The following PARD3B variants were observed in gnomAD, a reference collection of about 807,000 sequenced individuals.
PARD3B encodes par-3 family cell polarity regulator beta, also known as partitioning defective 3 homolog B.
A neutral mutation model predicts 130.2 loss-of-function variants in PARD3B; 103 were observed. That is an observed-to-expected ratio of 0.79 (90% CI 0.67 to 0.93). The LOEUF is 0.93. Ranked by LOEUF, PARD3B falls within the 40% of genes least tolerant of loss-of-function variation. The probability of loss-of-function intolerance (pLI) is 0.00; values close to 1 mark genes in which losing one functional copy is unlikely to be tolerated. For missense variants in PARD3B, 1,609 were observed against 1,499.2 expected (o/e 1.07, Z -1.21); for synonymous variants, 583 against 553.2 (o/e 1.05, Z -0.76).
chr2:204,691,420 G>A (rs1294597346), intron 2 of PARD3B, among the ~76,000 whole-genome samples: 1 of 152,066 alleles, frequency 6.6e-6, no homozygotes, highest in Non-Finnish European at 1.5e-5. Flanking sequence ...AGATGCCAGT[G>A]GTTTTCAGGG....
At chr2:204,608,484 C>G (rs2033809492) in intron 1 of PARD3B, among the ~76,000 whole-genome samples, 1 of 152,158 alleles carries the variant, frequency 6.6e-6, no homozygotes, top group Non-Finnish European at 1.5e-5. Context: ...AATCTCAAGC[C>G]AAAAGGAATT....
At chr2:205,065,515 C>A (rs934424581) in intron 4 of PARD3B, among the ~76,000 whole-genome samples, 1 of 151,902 alleles carries the variant, frequency 6.6e-6, no homozygotes, top group Non-Finnish European at 1.5e-5. Context: ...TGTTTGTTAC[C>A]ATCAAAAGTC....
chr2:205,381,605 A>G (rs1199212558), intron 18 of PARD3B, among the ~76,000 whole-genome samples: 1 of 151,938 alleles, frequency 6.6e-6, no homozygotes, highest in Non-Finnish European at 1.5e-5. Context: ...AGCTAGCGTT[A>G]ATGCCAGTCT....
chr2:205,498,674 A>C (rs775390898), intron 20 of PARD3B, among the ~76,000 whole-genome samples: 1 of 152,212 alleles, frequency 6.6e-6, no homozygotes, highest in Non-Finnish European at 1.5e-5. Context: ...TCTCTAAAGC[A>C]AGATGCTTTC....
At chr2:205,579,664 T>A (rs1685179257) in intron 22 of PARD3B, among the ~76,000 whole-genome samples, 1 of 152,210 alleles carries the variant, frequency 6.6e-6, no homozygotes, top group African/African-American at 2.4e-5. Flanking sequence ...CTTGCCTGAT[T>A]TAAGGTGGCG....
intron 18 of PARD3B, among the ~76,000 whole-genome samples, chr2:205,381,399 T>G (rs1051854244): frequency 6.6e-6 from 1 of 151,076 alleles, no homozygotes; most frequent in African/African-American, 2.4e-5. Flanking sequence ...CCATAATAGA[T>G]CTGCTAATTA....
intron 20 of PARD3B, among the ~76,000 whole-genome samples, chr2:205,476,536 G>A (rs1183427554): frequency 6.6e-6 from 1 of 151,962 alleles, no homozygotes; most frequent in African/African-American, 2.4e-5. Flanking sequence ...GTCTATGTTG[G>A]GTTTGAACAT....
intron 6 of PARD3B, among the ~76,000 whole-genome samples, chr2:205,118,195 TTC>T (rs1215621372): frequency 2.6e-5 from 4 of 152,242 alleles, no homozygotes; most frequent in African/African-American, 9.6e-5. Flanking sequence ...TGGCTGTTTG[TTC>T]AAAGCCTTTG....
At chr2:204,644,023 C>A (rs370550041) in intron 1 of PARD3B, among the ~76,000 whole-genome samples, 17 of 152,242 alleles carry the variant, frequency 1.1e-4, no homozygotes, top group Admixed American at 5.2e-4. Context: ...TGTAAGAATT[C>A]TTTCCTTTAG....
chr2:204,570,549 C>T (rs1425765417), intron 1 of PARD3B, among the ~76,000 whole-genome samples: 1 of 152,090 alleles, frequency 6.6e-6, no homozygotes, highest in Admixed American at 6.6e-5. Context: ...TACGGAGAGT[C>T]TTGTTTGCCT....
At chr2:204,832,801 A>G (rs1390500897) in intron 2 of PARD3B, among the ~76,000 whole-genome samples, 1 of 152,106 alleles carries the variant, frequency 6.6e-6, no homozygotes, top group Admixed American at 6.6e-5. Flanking sequence ...TTCCTATTCA[A>G]CGACACCTCC....
chr2:204,806,082 A>G (rs1014775859), intron 2 of PARD3B, among the ~76,000 whole-genome samples: 10 of 152,174 alleles, frequency 6.6e-5, no homozygotes, highest in African/African-American at 2.2e-4. Context: ...CGCAGATGCA[A>G]TACAACCCCT....
At chr2:204,661,410 G>T (rs2125184019) in intron 1 of PARD3B, among the ~76,000 whole-genome samples, 1 of 152,230 alleles carries the variant, frequency 6.6e-6, no homozygotes, top group East Asian at 1.9e-4. Flanking sequence ...TCCCCGAGAT[G>T]CAACTTACTT....
chr2:204,953,086 AGACAGAGT>A (rs1235523570), intron 2 of PARD3B, among the ~76,000 whole-genome samples: 1 of 128,274 alleles, frequency 7.8e-6, no homozygotes, highest in African/African-American at 2.9e-5. Context: ...GGAGAGAGAG[AGACAGAGT>A]CAATGTCACT....
At chr2:204,988,042 G>A (rs1693323957) in intron 3 of PARD3B, among the ~76,000 whole-genome samples, 1 of 151,522 alleles carries the variant, frequency 6.6e-6, no homozygotes, top group African/African-American at 2.4e-5. Flanking sequence ...CTAGAGTCCA[G>A]TGGGGGTCAT....
chr2:204,807,462 C>T (rs2042809285), intron 2 of PARD3B, among the ~76,000 whole-genome samples: 1 of 152,084 alleles, frequency 6.6e-6, no homozygotes, highest in South Asian at 2.1e-4. Context: ...AAAAATAGAA[C>T]TACCATATGA....
intron 19 of PARD3B, among the ~76,000 whole-genome samples, chr2:205,425,349 T>C (rs975842462): frequency 6.6e-6 from 1 of 152,132 alleles, no homozygotes; most frequent in Admixed American, 6.5e-5. Flanking sequence ...AAAGGCTTAA[T>C]GGGTCTGGGA....
chr2:205,346,226 A>G (rs540379780), intron 18 of PARD3B, among the ~76,000 whole-genome samples: 1 of 151,434 alleles, frequency 6.6e-6, no homozygotes, highest in African/African-American at 2.4e-5. Flanking sequence ...TAAATTTCAT[A>G]TAAATGCAGA....
rs1336880153 is a variant in PARD3B at position 204,623,950 on chromosome 2, C to T, written c.121-62231C>T. Among the ~76,000 whole-genome samples the T allele has an allele frequency of 1.3e-5, 2 of 152,140 alleles. No homozygotes were observed. The highest frequency in any genetic ancestry group is 2.9e-5 in the Non-Finnish European group (2 of 68,002). On this transcript the variant is annotated intron_variant, in intron 1 of 22. Transcript: ENST00000406610. This position sits in a 1 kb window ranked among gnomAD's most constrained non-coding sequence, Gnocchi z 4.5. ...CTTATTTTGCATACCATAATGTCTA[C>T]AGTTCTGTCCATGTCATTGGCAGGA... is the stretch of plus-strand genomic sequence containing the variant.
Sources: allele counts gnomAD v4.1 joint callset (sites outside exome capture counted in the v4.1 genomes callset), GRCh38; gene constraint gnomAD v4.1.1; non-coding constraint Gnocchi (gnomAD v3.1); transcripts MANE v1.5; gene names NCBI Gene and HGNC (gene_info 2026-07-23, HGNC 2026-07-21).